Variants in SLC24A5 observed in about 807,000 individuals in gnomAD.
The protein encoded by SLC24A5 is sodium/potassium/calcium exchanger 5.
In SLC24A5, 46 loss-of-function variants were observed where a neutral mutation model predicts 51.6. The observed-to-expected ratio is 0.89, with a 90% CI of 0.70 to 1.14. SLC24A5 has a LOEUF of 1.14. Among genes scored for constraint, SLC24A5 ranks in the 50% most tolerant of loss-of-function variants. SLC24A5 has a pLI of 0.00. For missense variants in SLC24A5, 581 were observed against 604.1 expected (o/e 0.96, Z 0.40); for synonymous variants, 230 against 214.9 (o/e 1.07, Z -0.62).
At chr15:48,125,960 C>G (rs548692155) in intron 2 of SLC24A5, among the ~76,000 whole-genome samples, 22 of 152,314 alleles carry the variant, frequency 1.4e-4, no homozygotes, top group Admixed American at 1.3e-3. Flanking sequence ...GGATCTTTAG[C>G]CAGGTGAAGA....
At chr15:48,126,100 T>G (rs1291311831) in intron 2 of SLC24A5, among the ~76,000 whole-genome samples, 1 of 152,200 alleles carries the variant, frequency 6.6e-6, no homozygotes, top group Non-Finnish European at 1.5e-5. Flanking sequence ...TTTGGACCTA[T>G]GTATGTTGGT....
intron 2 of SLC24A5, 54 bp downstream of exon 2, chr15:48,122,090 T>C (rs182642366): frequency 1.2e-5 from 19 of 1,561,720 alleles, no homozygotes. Context: ...GCCACACAGA[T>C]ATGACTGTCT....
intron 2 of SLC24A5, among the ~76,000 whole-genome samples, chr15:48,129,017 T>G (rs1335487010): frequency 6.6e-6 from 1 of 152,110 alleles, no homozygotes; most frequent in African/African-American, 2.4e-5. Flanking sequence ...ATTGTTAGGT[T>G]TGGAGGTAAA....
chr15:48,122,106 A>G (rs752077698), intron 2 of SLC24A5, 70 bp downstream of exon 2: 2 of 1,492,992 alleles, frequency 1.3e-6, no homozygotes, highest in East Asian at 2.3e-5. Context: ...TGTCTTTGAA[A>G]TAGCTCAGCA....
intron 2 of SLC24A5, among the ~76,000 whole-genome samples, chr15:48,129,358 T>G (rs1449512590): frequency 1.3e-5 from 2 of 152,134 alleles, no homozygotes; most frequent in African/African-American, 2.4e-5. Flanking sequence ...GAAATTAATT[T>G]CAGAACCAGT....
At chr15:48,134,634 T>A in intron 4 of SLC24A5, 96 bp downstream of exon 4, 1 of 887,978 alleles carries the variant, frequency 1.1e-6, no homozygotes, top group Non-Finnish European at 1.8e-6. Flanking sequence ...ACTAATAATA[T>A]GTGCAATCAA....
intron 2 of SLC24A5, among the ~76,000 whole-genome samples, chr15:48,130,724 T>C (rs2038781199): frequency 2.0e-5 from 3 of 152,152 alleles, no homozygotes; most frequent in Admixed American, 2.0e-4. Flanking sequence ...ATAAATTCTC[T>C]AGAATGTGCC....
In SLC24A5 at chr15:48,121,298, TA is replaced by T. The variant is rs1169249306; in HGVS notation, c.121+138del. On this transcript the variant is annotated intron_variant, in intron 1 of 8. Coordinates refer to ENST00000341459, the MANE Select transcript of SLC24A5 (RefSeq NM_205850.3). Reference sequence around the variant, plus strand: ...ACTTACGCTTCTGAATTTTAGCATTTAAAAAGATATCAAACACTTTTGATCC... The same window carrying T: ...ACTTACGCTTCTGAATTTTAGCATTTAAAAGATATCAAACACTTTTGATCC... 9 of 958,376 alleles carry T rather than the reference TA, an allele frequency of 9.4e-6. No individual in the cohort carries two copies. In the African/African-American group the frequency reaches 1.2e-4, roughly 12 times the overall value. The allele number at this position is 958,376 out of a possible 1,614,324, so 59.4% of individuals were successfully genotyped here. A position where few individuals can be genotyped will look rare whatever the true frequency, so the allele number is the denominator to read the frequency against.
In SLC24A5 at chr15:48,141,189, T is replaced by A; in HGVS notation, c.1155T>A (p.Ile385=). ...CAGGAACAAGCATACCAGACACAAT[T>A]GCAAGTGTGTTGGTTGCAAGAAAAG... ...LAAGTSIPDT[I]ASVLVARKGK... The change falls in exon 8 of 9, where the codon ATT becomes ATA. Residue 385 remains isoleucine, a synonymous_variant. Transcript: ENST00000341459. 5 of 1,613,794 alleles carry A rather than the reference T, an allele frequency of 3.1e-6. No homozygotes were observed. The highest frequency in any genetic ancestry group is 4.2e-6 in the Non-Finnish European group (5 of 1,179,742).
intron 2 of SLC24A5, among the ~76,000 whole-genome samples, chr15:48,126,703 A>G (rs2140711498): frequency 6.6e-6 from 1 of 152,300 alleles, no homozygotes; most frequent in African/African-American, 2.4e-5. Context: ...TGTGTATGAG[A>G]GACAGGAAGA....
intron 5 of SLC24A5, 95 bp downstream of exon 5, chr15:48,135,079 T>C: frequency 2.2e-6 from 2 of 889,710 alleles, no homozygotes; most frequent in Non-Finnish European, 3.6e-6. Context: ...TTCAGTCACT[T>C]AATCTGCCAC....
intron 2 of SLC24A5, among the ~76,000 whole-genome samples, chr15:48,129,138 A>AT (rs2140716086): frequency 6.6e-6 from 1 of 152,272 alleles, no homozygotes; most frequent in Non-Finnish European, 1.5e-5. Context: ...TTTCGGTGGA[A>AT]TCAGCCTTTA....
intron 2 of SLC24A5, among the ~76,000 whole-genome samples, chr15:48,132,072 A>G (rs1238515594): frequency 1.3e-5 from 2 of 152,126 alleles, no homozygotes; most frequent in Non-Finnish European, 2.9e-5. Flanking sequence ...AAGACCTTAC[A>G]TGATCTGCCT....
rs538198029 is a variant in SLC24A5 at position 48,134,516 on chromosome 15, C to G, written c.467C>G (p.Ala156Gly). The change falls in exon 4 of 9, where the codon GCC (alanine) becomes GGC (glycine). Residue 156 changes from alanine (A) to glycine (G), a missense_variant. Physicochemically the swap from Ala to Gly is moderately conservative, Grantham distance 60. Coordinates refer to ENST00000341459, the MANE Select transcript of SLC24A5 (RefSeq NM_205850.3). ...AIYNLLGICA[A>G]CGLLSNTVST... ...TATAATCTCCTTGGCATCTGTGCTG[C>G]CTGTGGTTTGCTATCTAATACGGTA... The G allele has an allele frequency of 6.2e-7, 1 of 1,613,116 alleles. No homozygotes were observed. The highest frequency in any genetic ancestry group is 1.3e-5 in the African/African-American group (1 of 74,972).
chr15:48,134,410 T>C, intron 3 of SLC24A5, 25 bp from the exon 4 acceptor site: 1 of 1,608,962 alleles, frequency 6.2e-7, no homozygotes, highest in Non-Finnish European at 8.5e-7. Flanking sequence ...TAACACTAAC[T>C]TAGCTGGTAC....
In SLC24A5 at chr15:48,142,459, A is replaced by C. The variant is rs2039125801; in HGVS notation, c.*108A>C. ...TTAAAAATCTTGAACCTTAGAATCT[A>C]AAACTTACAGTAATTTAAAACCAAC... On this transcript the variant is annotated 3_prime_UTR_variant, in exon 9 of 9. Transcript: ENST00000341459. 1 of 882,418 alleles carries C rather than the reference A, an allele frequency of 1.1e-6. No individual in the cohort carries two copies. Among genetic ancestry groups the C allele is most frequent in the Non-Finnish European group, 1.6e-6 (1 of 621,968 alleles). The allele number at this position is 882,418 out of a possible 1,614,324, so 54.7% of individuals were successfully genotyped here. A position where few individuals can be genotyped will look rare whatever the true frequency, so the allele number is the denominator to read the frequency against.
Position 48,127,728 on chromosome 15 carries a change from C to A in SLC24A5, c.301+5692C>A, listed in dbSNP as rs537124259. 2.6e-5 allele frequency among the ~76,000 whole-genome samples: 4 copies of A among 152,282 alleles called. No individual in the cohort carries two copies. In the South Asian group the frequency reaches 8.3e-4, roughly 32 times the overall value. On this transcript the variant is annotated intron_variant, in intron 2 of 8. Coordinates refer to ENST00000341459, the MANE Select transcript of SLC24A5 (RefSeq NM_205850.3). ...ATCCCAGCTCCTCGGGAGGCTGAGG[C>A]AGGAGAATTGCTTAAACCCGGGAGG...
chr15:48,134,496 T>A lies in SLC24A5; in HGVS notation c.447T>A (p.Asn149Lys). 1 of 1,613,536 alleles carries A rather than the reference T, an allele frequency of 6.2e-7. No homozygotes were observed. Among genetic ancestry groups the A allele is most frequent in the Non-Finnish European group, 8.5e-7 (1 of 1,179,554 alleles). ...ISTILGSAIY[N>K]LLGICAACGL... Reference sequence around the variant, plus strand: ...CCATCCTTGGATCTGCAATTTATAATCTCCTTGGCATCTGTGCTGCCTGTG... The same window carrying A: ...CCATCCTTGGATCTGCAATTTATAAACTCCTTGGCATCTGTGCTGCCTGTG... Residue 149 changes from asparagine to lysine, a missense_variant, in exon 4 of 9, where the codon AAT becomes AAA. Physicochemically the swap from Asn to Lys is moderately conservative, Grantham distance 94 (BLOSUM62 0). Transcript: ENST00000341459.
chr15:48,142,302 A>G lies in SLC24A5; in HGVS notation c.1454A>G (p.Tyr485Cys), dbSNP rs1253056789. 6.2e-7 allele frequency: 1 copy of G among 1,612,004 alleles called. No homozygotes were observed. The highest frequency in any genetic ancestry group is 1.1e-5 in the South Asian group (1 of 90,852). ...GGGCTTGCTACATTATCAGTTCTATATGAACTTGGAATTATTGGAAATAAT... is the reference window on the plus strand; with the variant it reads ...GGGCTTGCTACATTATCAGTTCTATGTGAACTTGGAATTATTGGAAATAAT... ...YLGLATLSVLYELGIIGNNKI... is the reference protein window; with the variant it reads ...YLGLATLSVLCELGIIGNNKI... Residue 485 changes from tyrosine (Y) to cysteine (C), a missense_variant, in exon 9 of 9, where the codon TAT (tyrosine) becomes TGT (cysteine). Tyr to Cys is a radical substitution (Grantham distance 194). Coordinates refer to ENST00000341459, the MANE Select transcript of SLC24A5 (RefSeq NM_205850.3).
Sources: allele counts gnomAD v4.1 joint callset (sites outside exome capture counted in the v4.1 genomes callset), GRCh38; gene constraint gnomAD v4.1.1; transcripts MANE v1.5; gene names NCBI Gene and HGNC (gene_info 2026-07-23, HGNC 2026-07-21).